RABGAP1L: variants seen among roughly 807,000 people sequenced by gnomAD.
RABGAP1L encodes the protein RAB GTPase activating protein 1 like, also known as rab GTPase-activating protein 1-like.
Under a neutral mutation model 137.7 loss-of-function variants are expected in RABGAP1L, and 63 were observed. The ratio of observed to expected loss-of-function variants is 0.46; its 90% confidence interval spans 0.37 to 0.56. The LOEUF (loss-of-function observed/expected upper bound fraction) is 0.56, where lower values mean the gene tolerates loss of function less well. Among genes scored for constraint, RABGAP1L ranks in the 20% least tolerant of loss-of-function variants. The pLI, the probability that RABGAP1L is intolerant of heterozygous loss-of-function variation, is 0.00. For missense variants in RABGAP1L, 1,095 were observed against 1,244.0 expected, an observed-to-expected ratio of 0.88 and a Z score of 1.80; for synonymous variants, 431 against 433.7, an observed-to-expected ratio of 0.99 and a Z score of 0.08.
At chr1:174,559,229 C>A (rs1667062912) in intron 13 of RABGAP1L, among the ~76,000 whole-genome samples, 1 of 152,114 alleles carries the variant, frequency 6.6e-6, no homozygotes, top group Non-Finnish European at 1.5e-5. Context: ...CTCATATTAT[C>A]ATAAGTCTTA....
At chr1:174,859,787 G>T (rs1459413493) in intron 19 of RABGAP1L, among the ~76,000 whole-genome samples, 2 of 151,736 alleles carry the variant, frequency 1.3e-5, no homozygotes, top group Non-Finnish European at 2.9e-5. Flanking sequence ...AAAACCCCAT[G>T]GCACACGTTT....
intron 19 of RABGAP1L, among the ~76,000 whole-genome samples, chr1:174,891,958 T>C (rs1656219110): frequency 7.8e-6 from 1 of 127,784 alleles, no homozygotes; most frequent in African/African-American, 4.1e-5. Flanking sequence ...GTAATCTCCC[T>C]ATCCAAATAA....
intron 19 of RABGAP1L, among the ~76,000 whole-genome samples, chr1:174,936,804 T>A (rs1014666195): frequency 6.6e-6 from 1 of 152,136 alleles, no homozygotes; most frequent in Non-Finnish European, 1.5e-5. Flanking sequence ...CCCATGTTTA[T>A]ATAAATCACT....
At chr1:174,563,196 A>C (rs1226524706) in intron 13 of RABGAP1L, among the ~76,000 whole-genome samples, 1 of 152,168 alleles carries the variant, frequency 6.6e-6, no homozygotes, top group Admixed American at 6.6e-5. Flanking sequence ...TTGACAGTGC[A>C]TCCTTTGCTA....
At chr1:174,386,250 C>T (rs1215499716) in intron 12 of RABGAP1L, among the ~76,000 whole-genome samples, 2 of 152,126 alleles carry the variant, frequency 1.3e-5, no homozygotes, top group Non-Finnish European at 2.9e-5. Context: ...ATTGTTGCAG[C>T]AGCTCTCTGA....
intron 17 of RABGAP1L, among the ~76,000 whole-genome samples, chr1:174,719,871 A>G (rs1315083587): frequency 6.6e-6 from 1 of 152,224 alleles, no homozygotes; most frequent in Non-Finnish European, 1.5e-5. Flanking sequence ...TAATAAATTA[A>G]TATATATGTA....
At chr1:174,460,013 G>A (rs1249751181) in intron 13 of RABGAP1L, among the ~76,000 whole-genome samples, 1 of 152,002 alleles carries the variant, frequency 6.6e-6, no homozygotes, top group Non-Finnish European at 1.5e-5. Context: ...ACCAGTCAAC[G>A]GACTGAAGGG....
rs563050736 is a variant in RABGAP1L at position 174,343,204 on chromosome 1, A to C, written c.1466-27775A>C. On this transcript the variant is annotated intron_variant, in intron 11 of 25. Coordinates refer to ENST00000681986, the MANE Select transcript of RABGAP1L (RefSeq NM_001366446.1). ...TGTGGTGTGGATATAGCATAATTTT[A>C]TTTTTCCATTTCTCTTTTGAGGGTC... is the stretch of plus-strand genomic sequence containing the variant. Among the ~76,000 whole-genome samples the C allele has an allele frequency of 3.3e-5, 5 of 151,928 alleles. No individual in the cohort carries two copies. In the East Asian group the frequency reaches 7.8e-4, roughly 24 times the overall value.
intron 17 of RABGAP1L, among the ~76,000 whole-genome samples, chr1:174,724,492 T>G (rs115473862): frequency 2.6e-4 from 40 of 152,342 alleles, no homozygotes; most frequent in African/African-American, 8.9e-4. Context: ...CCAAATTGTT[T>G]TGAAGTGAGG....
intron 19 of RABGAP1L, among the ~76,000 whole-genome samples, chr1:174,933,132 A>C (rs1664139923): frequency 6.6e-6 from 1 of 151,898 alleles, no homozygotes; most frequent in South Asian, 2.1e-4. Context: ...ACATACATAC[A>C]TACATACATA....
At chr1:174,805,693 G>A (rs374504235) in intron 18 of RABGAP1L, among the ~76,000 whole-genome samples, 2 of 152,130 alleles carry the variant, frequency 1.3e-5, no homozygotes, top group African/African-American at 4.8e-5. Flanking sequence ...GTAGAGATGG[G>A]GTTTTGCCAT....
intron 24 of RABGAP1L, among the ~76,000 whole-genome samples, chr1:174,984,690 C>T (rs565307838): frequency 1.7e-4 from 26 of 152,046 alleles, no homozygotes; most frequent in African/African-American, 5.1e-4. Context: ...TGCAGTGAGC[C>T]GACATTGTGC....
At chr1:174,621,848 C>T (rs1207931479) in intron 13 of RABGAP1L, among the ~76,000 whole-genome samples, 3 of 152,288 alleles carry the variant, frequency 2.0e-5, no homozygotes, top group Admixed American at 2.0e-4. Flanking sequence ...CCAGAATTGA[C>T]AAATGGGATC....
At chr1:174,321,116 T>C (rs1276933758) in intron 11 of RABGAP1L, among the ~76,000 whole-genome samples, 1 of 152,116 alleles carries the variant, frequency 6.6e-6, no homozygotes, top group Non-Finnish European at 1.5e-5. Context: ...TGATAAGGGA[T>C]AAAATAAGCC....
chr1:174,678,483 G>A (rs1346815478), intron 14 of RABGAP1L, among the ~76,000 whole-genome samples: 2 of 151,784 alleles, frequency 1.3e-5, no homozygotes, highest in African/African-American at 2.4e-5. Context: ...AAAAAAAAGA[G>A]TAACAAACTT....
chr1:174,898,827 T>C (rs987188082), intron 19 of RABGAP1L, among the ~76,000 whole-genome samples: 4 of 152,216 alleles, frequency 2.6e-5, no homozygotes, highest in African/African-American at 9.7e-5. Flanking sequence ...TTGTGCCTAG[T>C]AATGTGTTAG....
At chr1:174,769,610 T>A (rs1408666813) in intron 18 of RABGAP1L, among the ~76,000 whole-genome samples, 1 of 152,166 alleles carries the variant, frequency 6.6e-6, no homozygotes, top group Non-Finnish European at 1.5e-5. Context: ...AAACTAAATG[T>A]TTCCCAAAGT....
At chr1:174,283,664 G>A (rs767482188) in intron 10 of RABGAP1L, among the ~76,000 whole-genome samples, 2 of 151,928 alleles carry the variant, frequency 1.3e-5, no homozygotes, top group Non-Finnish European at 2.9e-5. Flanking sequence ...CCACCACCAC[G>A]CCTGTCTAAT....
chr1:174,598,697 A>G (rs944775959), intron 13 of RABGAP1L, among the ~76,000 whole-genome samples: 1 of 151,832 alleles, frequency 6.6e-6, no homozygotes, highest in South Asian at 2.1e-4. Flanking sequence ...ATTGAATTCT[A>G]TTTTATCTGA....
Sources: allele counts gnomAD v4.1 joint callset (sites outside exome capture counted in the v4.1 genomes callset), GRCh38; gene constraint gnomAD v4.1.1; transcripts MANE v1.5; gene names NCBI Gene and HGNC (gene_info 2026-07-23, HGNC 2026-07-21).